The following LUZP1 variants were observed in gnomAD, a reference collection of about 807,000 sequenced individuals.
LUZP1 encodes filamin mechanobinding actin cross-linking protein.
LUZP1 carries 25 observed loss-of-function variants against 71.3 expected under a neutral mutation model. That is an observed-to-expected ratio of 0.35 (90% CI 0.26 to 0.49). The LOEUF (loss-of-function observed/expected upper bound fraction) is 0.49. LUZP1 is among the 20% of genes least tolerant of loss of function. LUZP1 has a pLI of 0.99. For missense variants in LUZP1, 1,142 were observed against 1,300.8 expected, an observed-to-expected ratio of 0.88 and a Z score of 1.88; for synonymous variants, 481 against 506.4, an observed-to-expected ratio of 0.95 and a Z score of 0.67.
chr1:23,160,355 C>G (rs1644454552), intron 2 of LUZP1, among the ~76,000 whole-genome samples: 1 of 152,164 alleles, frequency 6.6e-6, no homozygotes, highest in Non-Finnish European at 1.5e-5. Context: ...AAAGTACTAC[C>G]TAGTGTCTTG....
chr1:23,154,502 G>A (rs1644406901), intron 2 of LUZP1, among the ~76,000 whole-genome samples: 1 of 152,074 alleles, frequency 6.6e-6, no homozygotes, highest in Non-Finnish European at 1.5e-5. Flanking sequence ...ATCACATACT[G>A]CATTCCAGCC....
chr1:23,127,765 C>T (rs1209707825), intron 2 of LUZP1, among the ~76,000 whole-genome samples: 3 of 152,126 alleles, frequency 2.0e-5, no homozygotes, highest in Admixed American at 6.5e-5. Flanking sequence ...CCTCGTAATC[C>T]GCCCACCTCG....
chr1:23,126,777 G>T (rs1411923185), intron 2 of LUZP1, among the ~76,000 whole-genome samples: 3 of 152,178 alleles, frequency 2.0e-5, no homozygotes, highest in Non-Finnish European at 4.4e-5. Context: ...CAGAATTCAG[G>T]AAAGTGAATA....
At chr1:23,110,629 CACACAT>C (rs67031669) in intron 2 of LUZP1, among the ~76,000 whole-genome samples, 1,850 of 45,662 alleles carry the variant, frequency 0.041, 27 homozygotes, top group East Asian at 0.079. Context: ...CATGAACGCG[CACACAT>C]ACACACACAC....
intron 3 of LUZP1, among the ~76,000 whole-genome samples, chr1:23,103,085 C>T (rs1308568773): frequency 6.8e-6 from 1 of 147,964 alleles, no homozygotes; most frequent in African/African-American, 2.5e-5. Flanking sequence ...ACACATGCCA[C>T]CATGCCTGGC....
chr1:23,170,657 G>T (rs1408178802), intron 1 of LUZP1, among the ~76,000 whole-genome samples: 1 of 151,672 alleles, frequency 6.6e-6, no homozygotes, highest in Non-Finnish European at 1.5e-5. Flanking sequence ...AGTAGAGACG[G>T]TGTTTCACCA....
intron 2 of LUZP1, among the ~76,000 whole-genome samples, chr1:23,160,752 C>T (rs1006385104): frequency 6.6e-6 from 1 of 152,204 alleles, no homozygotes; most frequent in African/African-American, 2.4e-5. Context: ...GATCGAGAAG[C>T]TTCCAGTCAA....
chr1:23,130,546 T>C (rs944820385), intron 2 of LUZP1, among the ~76,000 whole-genome samples: 2 of 150,072 alleles, frequency 1.3e-5, no homozygotes, highest in Admixed American at 6.6e-5. Flanking sequence ...TTTTTTTTTT[T>C]AGAGATGGGG....
intron 2 of LUZP1, among the ~76,000 whole-genome samples, chr1:23,162,157 A>T (rs1445376120): frequency 6.6e-6 from 1 of 151,806 alleles, no homozygotes; most frequent in Non-Finnish European, 1.5e-5. Context: ...ATACTATATG[A>T]TTCAATTTTT....
exon 5 of LUZP1, chr1:23,087,599 T>G (rs747923507): frequency 1.3e-5 from 2 of 152,640 alleles, no homozygotes; most frequent in African/African-American, 2.4e-5. Flanking sequence ...TTCATAAAGG[T>G]AGCCTTTGAA....
chr1:23,117,650 GC>G (rs1166426751), intron 2 of LUZP1, among the ~76,000 whole-genome samples: 2 of 151,940 alleles, frequency 1.3e-5, no homozygotes, highest in African/African-American at 4.8e-5. Flanking sequence ...CAAGGAAGAT[GC>G]CCAAGTCAGA....
intron 2 of LUZP1, among the ~76,000 whole-genome samples, chr1:23,121,843 CT>C (rs931720680): frequency 7.2e-5 from 11 of 152,150 alleles, no homozygotes; most frequent in African/African-American, 2.7e-4. Context: ...GAAACCCCCC[CT>C]CTACTAAAAA....
At chr1:23,091,934 A>C (rs1643862157) in exon 4 of LUZP1, 1 of 1,614,044 alleles carries the variant, frequency 6.2e-7, no homozygotes, top group African/African-American at 1.3e-5. Context: ...TCTCCAACGT[A>C]GTCTCTGTTC....
chr1:23,133,284 T>C (rs552452083), intron 2 of LUZP1, among the ~76,000 whole-genome samples: 1 of 152,332 alleles, frequency 6.6e-6, no homozygotes, highest in East Asian at 1.9e-4. Context: ...TATTATTACT[T>C]AGGCAGATAT....
At position 23,093,010 on chromosome 1, in the gene LUZP1, T is replaced by C; in HGVS notation, c.1252A>G (p.Asn418Asp). The C allele has an allele frequency of 5.6e-6, 9 of 1,614,186 alleles. No homozygotes were observed. The highest frequency in any genetic ancestry group is 7.6e-6 in the Non-Finnish European group (9 of 1,180,024). The change falls in exon 4 of 5, where the codon AAC becomes GAC. Residue 418 changes from asparagine (N) to aspartate (D), a missense_variant. Transcript: ENST00000302291. This position sits in a 1 kb window ranked among gnomAD's most constrained non-coding sequence, Gnocchi z 4.2. ...AAACTGGGAGAAGAAACCTGCCTGTTGCTCAGAGAATAGTTTTCATTGTTG... is the reference window on the plus strand; with the variant it reads ...AAACTGGGAGAAGAAACCTGCCTGTCGCTCAGAGAATAGTTTTCATTGTTG...
chr1:23,085,136 C>T (rs1643744057), exon 5 of LUZP1: 2 of 152,564 alleles, frequency 1.3e-5, no homozygotes, highest in African/African-American at 2.4e-5. Context: ...CCTCCTTGGT[C>T]CCATGCTTGG....
chr1:23,175,219 T>C (rs1314108644), intron 1 of LUZP1, among the ~76,000 whole-genome samples: 1 of 152,050 alleles, frequency 6.6e-6, no homozygotes, highest in Non-Finnish European at 1.5e-5. Flanking sequence ...CAGGAGGAAA[T>C]GGACTGTATT....
chr1:23,091,501 G>T, exon 4 of LUZP1: 2 of 1,614,144 alleles, frequency 1.2e-6, no homozygotes, highest in Non-Finnish European at 1.7e-6. Context: ...CAGGCATTCC[G>T]CACAGTAACA....
In LUZP1 at chr1:23,088,992, G is replaced by A. The variant is rs768730686; in HGVS notation, c.3134C>T (p.Pro1045Leu). 1.5e-4 allele frequency: 250 copies of A among 1,614,012 alleles called. No homozygotes were observed. Among genetic ancestry groups the A allele is most frequent in the Non-Finnish European group, 2.0e-4 (238 of 1,180,038 alleles). The stretch of plus-strand genomic sequence containing the variant: ...CCCCTGCTTCCCAGGCAGTTCAGAC[G>A]GATCCAGGGAGTTGTGCAGTTGCCT... Residue 1045 changes from proline to leucine, a missense_variant, in exon 5 of 5, where the codon CCG (proline) becomes CTG (leucine). Transcript: ENST00000302291.
Sources: allele counts gnomAD v4.1 joint callset (sites outside exome capture counted in the v4.1 genomes callset), GRCh38; gene constraint gnomAD v4.1.1; non-coding constraint Gnocchi (gnomAD v3.1); transcripts MANE v1.5; gene names NCBI Gene and HGNC (gene_info 2026-07-23, HGNC 2026-07-21).